CNTNAP2: variants seen among roughly 807,000 people sequenced by gnomAD.
The protein encoded by CNTNAP2 is contactin-associated protein-like 2.
Under a neutral mutation model 155.2 loss-of-function variants are expected in CNTNAP2, and 98 were observed. The observed-to-expected ratio is 0.63, with a 90% CI of 0.54 to 0.75. The LOEUF (loss-of-function observed/expected upper bound fraction) is 0.75, where lower values mean the gene tolerates loss of function less well. Among genes scored for constraint, CNTNAP2 ranks in the 30% least tolerant of loss-of-function variants. The pLI is 0.00. For synonymous variants in CNTNAP2, 651 were observed against 631.2 expected (o/e 1.03, Z -0.47); for missense variants, 1,727 against 1,688.1 (o/e 1.02, Z -0.40).
chr7:146,494,114 C>T (rs1483517147), intron 1 of CNTNAP2, among the ~76,000 whole-genome samples: 2 of 152,104 alleles, frequency 1.3e-5, no homozygotes, highest in Non-Finnish European at 2.9e-5. Context: ...GCGGGCGGAT[C>T]ACAAGGTCAG....
rs149010200 is a variant in CNTNAP2 at position 148,216,932 on chromosome 7, C to T, written c.3011-356C>T. ...TGCACATGTGCTCTCTCTTGCCTGC[C>T]GCCATGTAAGACATGACTTTGCTCC... On this transcript the variant is annotated intron_variant, in intron 18 of 23. Coordinates refer to ENST00000361727, the MANE Select transcript of CNTNAP2 (RefSeq NM_014141.6). Among the ~76,000 whole-genome samples, 738 of 152,210 alleles carry T rather than the reference C, an allele frequency of 4.8e-3. 5 individuals are homozygous for T. The highest frequency in any genetic ancestry group is 0.017 in the African/African-American group (686 of 41,528).
intron 1 of CNTNAP2, among the ~76,000 whole-genome samples, chr7:146,558,323 C>T (rs190828393): frequency 3.3e-4 from 50 of 152,200 alleles, no homozygotes; most frequent in African/African-American, 1.2e-3. Flanking sequence ...AATCATTGCC[C>T]CTCTGCATGA....
At chr7:147,247,976 C>A (rs1002622666) in intron 8 of CNTNAP2, among the ~76,000 whole-genome samples, 10 of 152,020 alleles carry the variant, frequency 6.6e-5, no homozygotes, top group African/African-American at 2.4e-4. Flanking sequence ...AAAGAGGAGG[C>A]CAGAAAGAAA....
chr7:146,835,572 G>A (rs1334913747), intron 2 of CNTNAP2, among the ~76,000 whole-genome samples: 1 of 151,948 alleles, frequency 6.6e-6, no homozygotes, highest in Non-Finnish European at 1.5e-5. Flanking sequence ...TGACAATAAG[G>A]AATATTATAT....
At chr7:147,439,776 T>C (rs547534083) in intron 10 of CNTNAP2, among the ~76,000 whole-genome samples, 1 of 152,196 alleles carries the variant, frequency 6.6e-6, no homozygotes, top group Non-Finnish European at 1.5e-5. Flanking sequence ...GTTGGGTGCA[T>C]ATATATTTAA....
At chr7:147,979,973 A>G (rs1210552499) in intron 15 of CNTNAP2, among the ~76,000 whole-genome samples, 1 of 152,178 alleles carries the variant, frequency 6.6e-6, no homozygotes, top group Non-Finnish European at 1.5e-5. Flanking sequence ...AGGAACATTA[A>G]ATAGTAGATG....
At chr7:147,729,983 G>A (rs538270565) in intron 13 of CNTNAP2, among the ~76,000 whole-genome samples, 190 of 152,130 alleles carry the variant, frequency 1.2e-3, no homozygotes, top group Non-Finnish European at 2.0e-3. Context: ...AAAAAATAAG[G>A]GAGTGAATAA....
At chr7:146,472,498 A>G (rs912449262) in intron 1 of CNTNAP2, among the ~76,000 whole-genome samples, 2 of 152,176 alleles carry the variant, frequency 1.3e-5, no homozygotes, top group African/African-American at 4.8e-5. Context: ...AGTTCTAATC[A>G]ATTTTGTTTC....
intron 1 of CNTNAP2, among the ~76,000 whole-genome samples, chr7:146,527,894 G>A (rs1797714407): frequency 6.6e-6 from 1 of 152,088 alleles, no homozygotes; most frequent in East Asian, 1.9e-4. Context: ...CAATGTCCAG[G>A]ACAGAGTTTC....
intron 12 of CNTNAP2, among the ~76,000 whole-genome samples, chr7:147,589,643 C>G (rs1375244723): frequency 6.6e-6 from 1 of 152,026 alleles, no homozygotes; most frequent in Non-Finnish European, 1.5e-5. Context: ...AAGACTCATC[C>G]ATATTGTTGT....
chr7:147,586,333 C>G (rs1248332626), intron 12 of CNTNAP2, among the ~76,000 whole-genome samples: 1 of 136,258 alleles, frequency 7.3e-6, no homozygotes, highest in African/African-American at 2.6e-5. Context: ...GTCAGCTGGG[C>G]CTGAATTTCA....
intron 14 of CNTNAP2, among the ~76,000 whole-genome samples, chr7:147,953,412 T>TA (rs372484229): frequency 3.1e-4 from 47 of 149,578 alleles, no homozygotes; most frequent in South Asian, 1.3e-3. Context: ...TTCTAAGAAA[T>TA]ACGATTCTCA....
intron 1 of CNTNAP2, among the ~76,000 whole-genome samples, chr7:146,340,007 G>A (rs7808617): frequency 0.21 from 31,748 of 151,356 alleles, 6,645 homozygotes; most frequent in African/African-American, 0.54. Context: ...GTCTCTACTA[G>A]AAATACAAAA....
At position 146,603,270 on chromosome 7, in the gene CNTNAP2, G is replaced by C. The variant is rs886627542; in HGVS notation, c.98-171001G>C. ...TACTAAAAATACAAAACATTAGCCGGGCGTGGTGGCGGGCGCCTGTAGTCC... is the reference window on the plus strand; with the variant it reads ...TACTAAAAATACAAAACATTAGCCGCGCGTGGTGGCGGGCGCCTGTAGTCC... On this transcript the variant is annotated intron_variant, in intron 1 of 23. Coordinates refer to ENST00000361727, the MANE Select transcript of CNTNAP2 (RefSeq NM_014141.6). Among the ~76,000 whole-genome samples the C allele has an allele frequency of 2.7e-4, 41 of 150,928 alleles. 1 individual carries two copies. The highest frequency in any genetic ancestry group is 3.8e-4 in the Non-Finnish European group (26 of 67,756).
chr7:146,430,550 A>G (rs1796159836), intron 1 of CNTNAP2, among the ~76,000 whole-genome samples: 1 of 152,058 alleles, frequency 6.6e-6, no homozygotes, highest in Non-Finnish European at 1.5e-5. Context: ...AGTAACTGCT[A>G]TTAAGTGGTG....
chr7:146,374,134 T>C (rs150633819), intron 1 of CNTNAP2, among the ~76,000 whole-genome samples: 2,164 of 152,282 alleles, frequency 0.014, 24 homozygotes, highest in Non-Finnish European at 0.024. Context: ...GCTTTGTTTT[T>C]TTGTTTACGT....
At chr7:146,827,754 C>T (rs60045235) in intron 2 of CNTNAP2, among the ~76,000 whole-genome samples, 6 of 151,952 alleles carry the variant, frequency 3.9e-5, no homozygotes, top group South Asian at 2.1e-4. Context: ...TTGCCTTCAA[C>T]TGATGAAGGC....
At chr7:147,009,176 G>C (rs1383536557) in intron 3 of CNTNAP2, among the ~76,000 whole-genome samples, 1 of 152,034 alleles carries the variant, frequency 6.6e-6, no homozygotes, top group Non-Finnish European at 1.5e-5. Flanking sequence ...GTACCTATCT[G>C]TCTTTACTTT....
chr7:146,982,827 T>C (rs1335481884), intron 3 of CNTNAP2, among the ~76,000 whole-genome samples: 3 of 152,192 alleles, frequency 2.0e-5, no homozygotes, highest in Admixed American at 6.5e-5. Context: ...TGCATTTGGA[T>C]TAACAGCAAT....
Sources: allele counts gnomAD v4.1 joint callset (sites outside exome capture counted in the v4.1 genomes callset), GRCh38; gene constraint gnomAD v4.1.1; transcripts MANE v1.5; gene names NCBI Gene and HGNC (gene_info 2026-07-23, HGNC 2026-07-21).